BNC2: variants seen among roughly 807,000 people sequenced by gnomAD.
The protein encoded by BNC2 is zinc finger protein basonuclin-2.
BNC2 carries 20 observed loss-of-function variants against 76.3 expected under a neutral mutation model. The ratio of observed to expected loss-of-function variants is 0.26; its 90% CI spans 0.18 to 0.38. The LOEUF is 0.38. Among genes scored for constraint, BNC2 ranks in the 10% least tolerant of loss-of-function variants. The probability of loss-of-function intolerance (pLI) is 1.00; values close to 1 mark genes in which losing one functional copy is unlikely to be tolerated. For synonymous variants in BNC2, 582 were observed against 514.8 expected (o/e 1.13, Z -1.77); for missense variants, 1,382 against 1,399.8 (o/e 0.99, Z 0.20).
chr9:16,617,710 T>C (rs916417296), intron 3 of BNC2, among the ~76,000 whole-genome samples: 25 of 152,208 alleles, frequency 1.6e-4, no homozygotes, highest in African/African-American at 5.8e-4. Flanking sequence ...CACCCAGTTT[T>C]ATTTTACTAC....
intron 4 of BNC2, among the ~76,000 whole-genome samples, chr9:16,580,508 T>A (rs1819603909): frequency 1.3e-5 from 2 of 152,126 alleles, no homozygotes; most frequent in South Asian, 2.1e-4. Flanking sequence ...TCAAGTTGGG[T>A]GAAAAATGAC....
chr9:16,453,071 G>A (rs1294200932), intron 5 of BNC2, among the ~76,000 whole-genome samples: 1 of 152,010 alleles, frequency 6.6e-6, no homozygotes, highest in Non-Finnish European at 1.5e-5. Flanking sequence ...ATATGAAATG[G>A]GATTAAAAGT....
intron 1 of BNC2, among the ~76,000 whole-genome samples, chr9:16,775,263 T>C (rs1170410357): frequency 6.6e-6 from 1 of 152,178 alleles, no homozygotes. Context: ...AGATTTATAT[T>C]TTATTTATAA....
intron 1 of BNC2, among the ~76,000 whole-genome samples, chr9:16,813,678 T>C (rs145668572): frequency 1.3e-3 from 200 of 152,308 alleles, no homozygotes; most frequent in Middle Eastern, 6.8e-3. Flanking sequence ...GCAATTACAA[T>C]GATTCATTAT....
At chr9:16,529,779 C>T (rs575932615) in intron 5 of BNC2, among the ~76,000 whole-genome samples, 1 of 152,276 alleles carries the variant, frequency 6.6e-6, no homozygotes, top group Non-Finnish European at 1.5e-5. Flanking sequence ...GAATACCTGA[C>T]AACTGTTCCA....
intron 1 of BNC2, among the ~76,000 whole-genome samples, chr9:16,766,450 C>A (rs1825698282): frequency 6.6e-6 from 1 of 152,084 alleles, no homozygotes; most frequent in African/African-American, 2.4e-5. Flanking sequence ...CCAATCTGGA[C>A]CTAAATCAAC....
intron 1 of BNC2, among the ~76,000 whole-genome samples, chr9:16,781,228 T>G (rs185204076): frequency 2.9e-4 from 4 of 13,674 alleles, no homozygotes; most frequent in South Asian, 1.7e-3. Context: ...ATTTTCAAAT[T>G]TGCACCAAAG....
At chr9:16,509,625 T>C (rs1822708191) in intron 5 of BNC2, among the ~76,000 whole-genome samples, 1 of 152,160 alleles carries the variant, frequency 6.6e-6, no homozygotes, top group Admixed American at 6.5e-5. Context: ...CTAACCTGGG[T>C]AAAAGTAATT....
At chr9:16,495,861 G>C (rs1380371823) in intron 5 of BNC2, among the ~76,000 whole-genome samples, 1 of 151,824 alleles carries the variant, frequency 6.6e-6, no homozygotes, top group Non-Finnish European at 1.5e-5. Flanking sequence ...CCCTGGACTA[G>C]GCAGGCTCCT....
At chr9:16,470,083 T>C (rs969652638) in intron 5 of BNC2, among the ~76,000 whole-genome samples, 5 of 149,884 alleles carry the variant, frequency 3.3e-5, no homozygotes, top group Admixed American at 6.7e-5. Flanking sequence ...CTGCAAGCTC[T>C]GCCTCCCGGG....
chr9:16,421,156 G>A, intron 6 of BNC2: 3 of 598,364 alleles, frequency 5.0e-6, no homozygotes, highest in Non-Finnish European at 7.1e-6. Context: ...AGAAAGGTGG[G>A]GAAGACTTCT....
intron 3 of BNC2, among the ~76,000 whole-genome samples, chr9:16,693,733 A>C (rs1440309109): frequency 6.6e-6 from 1 of 152,256 alleles, no homozygotes; most frequent in African/African-American, 2.4e-5. Context: ...TCTGTAAAGA[A>C]AAGAAAGGAA....
intron 3 of BNC2, among the ~76,000 whole-genome samples, chr9:16,674,817 C>A (rs182550136): frequency 6.6e-6 from 1 of 152,292 alleles, no homozygotes; most frequent in African/African-American, 2.4e-5. Context: ...CCTTGAAGCT[C>A]TCCACTGGCA....
intron 5 of BNC2, among the ~76,000 whole-genome samples, chr9:16,509,447 A>C (rs1222490479): frequency 6.6e-6 from 1 of 152,194 alleles, no homozygotes; most frequent in East Asian, 1.9e-4. Context: ...TTACTCAGCC[A>C]ATTTCACTAG....
At chr9:16,762,200 G>C (rs1291405734) in intron 1 of BNC2, among the ~76,000 whole-genome samples, 2 of 152,082 alleles carry the variant, frequency 1.3e-5, no homozygotes, top group Non-Finnish European at 2.9e-5. Context: ...TGCCATCCAA[G>C]GCCATATGGA....
At chr9:16,808,690 C>A (rs1817972999) in intron 1 of BNC2, among the ~76,000 whole-genome samples, 1 of 150,958 alleles carries the variant, frequency 6.6e-6, no homozygotes, top group Non-Finnish European at 1.5e-5. Context: ...TGCTATGTTG[C>A]CCAAGCTTTT....
intron 3 of BNC2, among the ~76,000 whole-genome samples, chr9:16,596,489 CG>C (rs1563855751): frequency 6.6e-6 from 1 of 152,072 alleles, no homozygotes; most frequent in Non-Finnish European, 1.5e-5. Flanking sequence ...AATGAAAATT[CG>C]TATTTTATTT....
intron 5 of BNC2, among the ~76,000 whole-genome samples, chr9:16,508,477 C>T (rs1045978313): frequency 4.6e-5 from 7 of 152,342 alleles, no homozygotes; most frequent in African/African-American, 1.4e-4. Context: ...TCTCTCCCTA[C>T]AAGACGTTCA....
intron 3 of BNC2, chr9:16,685,436 T>C (rs1248471656): frequency 3.5e-6 from 2 of 563,456 alleles, no homozygotes; most frequent in African/African-American, 3.9e-5. Context: ...TCTTTACACC[T>C]AACTCAATGG....
Sources: allele counts gnomAD v4.1 joint callset (sites outside exome capture counted in the v4.1 genomes callset), GRCh38; gene constraint gnomAD v4.1.1; transcripts MANE v1.5; gene names NCBI Gene and HGNC (gene_info 2026-07-23, HGNC 2026-07-21).